ME3: variants seen among roughly 807,000 people sequenced by gnomAD.
The protein encoded by ME3 is NADP-dependent malic enzyme, mitochondrial.
ME3 carries 48 observed loss-of-function variants against 68.9 expected under a neutral mutation model. That is an observed-to-expected ratio of 0.70 (90% CI 0.55 to 0.89). ME3 has a LOEUF of 0.89. Ranked by LOEUF, ME3 falls within the 40% of genes least tolerant of loss-of-function variation. The pLI is 0.00. For synonymous variants in ME3, 320 were observed against 318.8 expected (o/e 1.00, Z -0.04); for missense variants, 675 against 797.4 (o/e 0.85, Z 1.85).
At chr11:86,436,400 C>T (rs377591329), downstream of ME3, 18 of 151,682 alleles carry the variant, frequency 1.2e-4, no homozygotes, top group Non-Finnish European at 2.4e-4. Context: ...TTATATATTC[C>T]GGATCCAGTG....
At chr11:86,438,531 G>C (rs995359340), downstream of ME3, among the ~76,000 whole-genome samples, 1 of 152,064 alleles carries the variant, frequency 6.6e-6, no homozygotes, top group African/African-American at 2.4e-5. Context: ...TTCTGAAAGA[G>C]TTTCTGCATA....
intron 2 of ME3, among the ~76,000 whole-genome samples, chr11:86,590,485 C>T (rs1270528764): frequency 1.3e-5 from 2 of 152,162 alleles, no homozygotes; most frequent in East Asian, 1.9e-4. Context: ...CAGAAAAGTA[C>T]CTTTTCAATT....
chr11:86,562,502 G>T (rs1384199542), intron 2 of ME3, among the ~76,000 whole-genome samples: 2 of 152,084 alleles, frequency 1.3e-5, no homozygotes, highest in African/African-American at 4.8e-5. Context: ...TTGCATCCCT[G>T]CTAGAAGTGA....
chr11:86,556,770 G>T lies in ME3; in HGVS notation c.318-68C>A, dbSNP rs1387413745. 2.1e-5 allele frequency: 32 copies of T among 1,536,782 alleles called. No homozygotes were observed. In the South Asian group the frequency reaches 3.4e-4, roughly 17 times the overall value. On this transcript the variant is annotated intron_variant, in intron 3 of 14. Coordinates refer to ENST00000543262, the Ensembl canonical transcript of ME3. Reference sequence around the variant, plus strand: ...CAGGCCCTGATGCCTCTGTGGTGTGGTGCAAAGACCCAAGGCTCCTGTTCC... The same window carrying T: ...CAGGCCCTGATGCCTCTGTGGTGTGTTGCAAAGACCCAAGGCTCCTGTTCC...
intron 4 of ME3, among the ~76,000 whole-genome samples, chr11:86,533,977 G>T (rs771778072): frequency 2.6e-5 from 4 of 151,834 alleles, no homozygotes; most frequent in Non-Finnish European, 5.9e-5. Flanking sequence ...TCATGTTACT[G>T]TACTGACTAC....
chr11:86,640,917 C>A (rs2135379508), intron 2 of ME3, among the ~76,000 whole-genome samples: 1 of 152,186 alleles, frequency 6.6e-6, no homozygotes, highest in Admixed American at 6.5e-5. Flanking sequence ...GCCCTTTCCC[C>A]ATCTCCCCAG....
At chr11:86,651,797 G>A (rs568385412) in intron 2 of ME3, among the ~76,000 whole-genome samples, 109 of 152,270 alleles carry the variant, frequency 7.2e-4, no homozygotes, top group African/African-American at 2.5e-3. Context: ...AAATGACTCC[G>A]AACTGAAGGA....
At chr11:86,518,287 C>T (rs1057385343) in intron 4 of ME3, among the ~76,000 whole-genome samples, 24 of 152,148 alleles carry the variant, frequency 1.6e-4, no homozygotes, top group Non-Finnish European at 1.0e-4. Context: ...ATAAAGATTC[C>T]TCTGGGAGGG....
At chr11:86,570,135 T>C (rs560756625) in intron 2 of ME3, among the ~76,000 whole-genome samples, 5 of 152,186 alleles carry the variant, frequency 3.3e-5, no homozygotes, top group Non-Finnish European at 5.9e-5. Context: ...GCATCATTAC[T>C]GGAAGGAAGG....
intron 4 of ME3, among the ~76,000 whole-genome samples, chr11:86,545,459 C>G (rs1454223825): frequency 6.6e-6 from 1 of 152,212 alleles, no homozygotes; most frequent in Non-Finnish European, 1.5e-5. Flanking sequence ...TGATAAGCAA[C>G]TTCAGCAAAG....
At chr11:86,524,555 G>C (rs1433780858) in intron 4 of ME3, among the ~76,000 whole-genome samples, 1 of 152,190 alleles carries the variant, frequency 6.6e-6, no homozygotes, top group Non-Finnish European at 1.5e-5. Context: ...TTTTATGCTA[G>C]CATTTATGAG....
intron 2 of ME3, among the ~76,000 whole-genome samples, chr11:86,603,361 C>T (rs1249796105): frequency 1.3e-5 from 2 of 152,198 alleles, no homozygotes; most frequent in Non-Finnish European, 2.9e-5. Flanking sequence ...CTCATCATCA[C>T]TAGCCATCAG....
At chr11:86,522,379 T>A (rs1954389199) in intron 4 of ME3, among the ~76,000 whole-genome samples, 1 of 151,614 alleles carries the variant, frequency 6.6e-6, no homozygotes, top group South Asian at 2.1e-4. Context: ...TTTTTTTACA[T>A]TAGGTTCTAG....
At chr11:86,515,793 A>T (rs2139146760) in intron 4 of ME3, among the ~76,000 whole-genome samples, 1 of 152,224 alleles carries the variant, frequency 6.6e-6, no homozygotes, top group African/African-American at 2.4e-5. Context: ...TCTCCTTGAG[A>T]ATGAGTCAAA....
chr11:86,633,684 C>T (rs1944155595), intron 2 of ME3, among the ~76,000 whole-genome samples: 1 of 152,162 alleles, frequency 6.6e-6, no homozygotes, highest in Non-Finnish European at 1.5e-5. Flanking sequence ...GCATGCTGTT[C>T]TATAGGCCAG....
At chr11:86,490,432 C>G (rs1226246395) in intron 6 of ME3, among the ~76,000 whole-genome samples, 3 of 152,078 alleles carry the variant, frequency 2.0e-5, no homozygotes, top group Non-Finnish European at 2.9e-5. Context: ...GCCTACCCTT[C>G]CACATGCTAC....
At chr11:86,613,946 T>C (rs1191747643) in intron 2 of ME3, among the ~76,000 whole-genome samples, 1 of 152,220 alleles carries the variant, frequency 6.6e-6, no homozygotes, top group Non-Finnish European at 1.5e-5. Flanking sequence ...ATTGATATTC[T>C]TCCTAGAATT....
chr11:86,595,719 C>T (rs961697986), intron 2 of ME3, among the ~76,000 whole-genome samples: 3 of 152,190 alleles, frequency 2.0e-5, no homozygotes, highest in African/African-American at 7.2e-5. Flanking sequence ...ATTTCTACTA[C>T]ACTCTACTTA....
At chr11:86,578,614 G>A (rs1269538110) in intron 2 of ME3, among the ~76,000 whole-genome samples, 1 of 152,130 alleles carries the variant, frequency 6.6e-6, no homozygotes, top group East Asian at 1.9e-4. Context: ...CTGGGCTTCA[G>A]TCTCAACTCT....
Sources: gnomAD v4.1 joint callset for allele counts (sites outside exome capture counted in the v4.1 genomes callset) on GRCh38, gnomAD v4.1.1 for gene constraint, MANE v1.5 for transcripts, NCBI Gene and HGNC (gene_info 2026-07-23, HGNC 2026-07-21) for gene names.